TTLL4: variants seen among roughly 807,000 people sequenced by gnomAD.
The protein encoded by TTLL4 is tubulin monoglutamylase TTLL4.
Under a neutral mutation model 122.7 loss-of-function variants are expected in TTLL4, and 85 were observed. That is an observed-to-expected ratio of 0.69 (90% CI 0.58 to 0.83). The LOEUF is 0.83. Among genes scored for constraint, TTLL4 ranks in the 40% least tolerant of loss-of-function variants. The pLI is 0.00. For synonymous variants in TTLL4, 553 were observed against 563.0 expected (o/e 0.98, Z 0.25); for missense variants, 1,363 against 1,488.6 (o/e 0.92, Z 1.39).
At chr2:218,726,197 G>A (rs1942187931) in intron 1 of TTLL4, among the ~76,000 whole-genome samples, 1 of 152,124 alleles carries the variant, frequency 6.6e-6, no homozygotes, top group Non-Finnish European at 1.5e-5. Context: ...TTCTTGGAGG[G>A]TAGTTTTTTT....
At position 218,754,132 on chromosome 2, in the gene TTLL4, A is replaced by G. The variant is rs183338697; in HGVS notation, c.3345-2A>G. Reference sequence around the variant, plus strand: ...ATTTCTTTCACCACCTATTCCCTCCAGAAAACAAAGCTCCTGTGAGGTTAG... The same window carrying G: ...ATTTCTTTCACCACCTATTCCCTCCGGAAAACAAAGCTCCTGTGAGGTTAG... On this transcript the variant is annotated splice_acceptor_variant, in intron 19 of 19. Transcript: ENST00000392102. LOFTEE classifies it high-confidence loss of function. 2.8e-4 allele frequency: 448 copies of G among 1,614,118 alleles called. No homozygotes were observed. The highest frequency in any genetic ancestry group is 3.3e-4 in the Non-Finnish European group (395 of 1,180,006).
chr2:218,728,968 T>A (rs1942275999), intron 2 of TTLL4, among the ~76,000 whole-genome samples: 1 of 150,800 alleles, frequency 6.6e-6, no homozygotes. Context: ...GTTTTGTTCT[T>A]GTTGCCCAGG....
At chr2:218,746,542 T>A (rs564433625) in intron 8 of TTLL4, 1 of 436,032 alleles carries the variant, frequency 2.3e-6, no homozygotes, top group South Asian at 3.0e-5. Flanking sequence ...TCCAAGATGC[T>A]TTTTCCTCTA....
chr2:218,742,832 A>G (rs1375755770), intron 5 of TTLL4, among the ~76,000 whole-genome samples: 1 of 152,186 alleles, frequency 6.6e-6, no homozygotes, highest in African/African-American at 2.4e-5. Context: ...GTCAAGATAT[A>G]GAACATCTTG....
intron 1 of TTLL4, among the ~76,000 whole-genome samples, chr2:218,717,112 C>T (rs1435631890): frequency 6.6e-6 from 1 of 151,964 alleles, no homozygotes; most frequent in African/African-American, 2.4e-5. Flanking sequence ...CATGCACCAC[C>T]ACATCTAGCT....
At chr2:218,717,242 C>T (rs1449741001) in intron 1 of TTLL4, among the ~76,000 whole-genome samples, 1 of 152,032 alleles carries the variant, frequency 6.6e-6, no homozygotes. Context: ...GGATTATAGG[C>T]ACAAGTCACC....
At chr2:218,753,723 T>A (rs544173287) in intron 19 of TTLL4, 54 bp downstream of exon 19, 204 of 1,582,042 alleles carry the variant, frequency 1.3e-4, no homozygotes, top group Non-Finnish European at 1.6e-4. Flanking sequence ...TGTAGAGTTT[T>A]CTTCCTTCCC....
chr2:218,745,369 C>T, intron 6 of TTLL4, 136 bp downstream of exon 6: 1 of 1,205,094 alleles, frequency 8.3e-7, no homozygotes, highest in Admixed American at 2.2e-5. Context: ...GTGCTCAGTT[C>T]CCCATGTGGT....
intron 7 of TTLL4, 145 bp from the exon 8 acceptor site, chr2:218,746,010 G>A: frequency 1.0e-6 from 1 of 984,566 alleles, no homozygotes; most frequent in East Asian, 2.4e-5. Context: ...TCTGTCCCTG[G>A]CCCCAGGGCC....
chr2:218,755,675 T>C (rs1943138199), downstream of TTLL4, among the ~76,000 whole-genome samples: 1 of 152,216 alleles, frequency 6.6e-6, no homozygotes, highest in South Asian at 2.1e-4. Flanking sequence ...AAGAAGCCAA[T>C]TGGCCCCGTG....
chr2:218,749,300 C>T lies in TTLL4; in HGVS notation c.2648C>T (p.Pro883Leu). Residue 883 changes from proline to leucine, a missense_variant, in exon 14 of 20, where the codon CCC (proline) becomes CTC (leucine). Coordinates refer to ENST00000392102, the MANE Select transcript of TTLL4 (RefSeq NM_014640.5). ...TSLLKMYVRRPYSCHELFGFD... is the reference protein window; with the variant it reads ...TSLLKMYVRRLYSCHELFGFD... ...CTGCTCAAGATGTATGTGCGACGGC[C>T]CTATAGCTGCCATGAACTCTTTGGT... is the stretch of plus-strand genomic sequence containing the variant. The T allele has an allele frequency of 6.2e-7, 1 of 1,614,098 alleles. No homozygotes were observed. The highest frequency in any genetic ancestry group is 1.1e-5 in the South Asian group (1 of 91,078).
At position 218,747,546 on chromosome 2, in the gene TTLL4, A is replaced by G; in HGVS notation, c.2250-51A>G. On this transcript the variant is annotated intron_variant, in intron 10 of 19. Transcript: ENST00000392102. This position sits in a 1 kb window ranked among gnomAD's most constrained non-coding sequence, Gnocchi z 4.7. Reference sequence around the variant, plus strand: ...GGCTTTTCCTGTGGCTTGGTTACCCACTGAGCCCCATCATCTGGCTGTATG... The same window carrying G: ...GGCTTTTCCTGTGGCTTGGTTACCCGCTGAGCCCCATCATCTGGCTGTATG... 12 of 1,605,234 alleles carry G rather than the reference A, an allele frequency of 7.5e-6. No individual in the cohort carries two copies. Among genetic ancestry groups the G allele is most frequent in the Non-Finnish European group, 1.0e-5 (12 of 1,174,746 alleles).
rs745806033 is a variant in TTLL4 at position 218,738,442 on chromosome 2, G to C, written c.766G>C (p.Gly256Arg). The change falls in exon 3 of 20, where the codon GGG becomes CGG. Residue 256 changes from glycine (G) to arginine (R), a missense_variant. By Grantham distance (125) the Gly-to-Arg change is moderately radical. Transcript: ENST00000392102. ...KIQPVSWHHS[G>R]GTGDCAPQPV... ...CCAGCCTGTCTCCTGGCATCATTCA[G>C]GGGGTACTGGAGACTGTGCACCGCA... 6.2e-7 allele frequency: 1 copy of C among 1,614,184 alleles called. No homozygotes were observed. Among genetic ancestry groups the C allele is most frequent in the East Asian group, 2.2e-5 (1 of 44,880 alleles).
chr2:218,748,934 C>A lies in TTLL4; in HGVS notation c.2600C>A (p.Ser867Ter). 1 of 1,614,000 alleles carries A rather than the reference C, an allele frequency of 6.2e-7. No homozygotes were observed. The highest frequency in any genetic ancestry group is 8.5e-7 in the Non-Finnish European group (1 of 1,179,938). The change falls in exon 13 of 20, where the codon TCG becomes TAG. Residue 867 changes from serine to a stop codon, truncating the protein, a stop_gained and splice_region_variant. Transcript: ENST00000392102. LOFTEE classifies it high-confidence loss of function. ...GATGTTGTTGTCAAAACTATCATCT[C>A]GTGAGTCACATTGCCAACCTGGATG... ...IKDVVVKTII[S>*]SEPYVTSLLK...
chr2:218,722,396 A>G (rs1284200741), intron 1 of TTLL4, among the ~76,000 whole-genome samples: 2 of 151,236 alleles, frequency 1.3e-5, no homozygotes, highest in African/African-American at 4.9e-5. Flanking sequence ...ATATAAATAT[A>G]TAATAATTTT....
chr2:218,742,804 G>A (rs1559369717), intron 5 of TTLL4, among the ~76,000 whole-genome samples: 1 of 152,168 alleles, frequency 6.6e-6, no homozygotes, highest in Non-Finnish European at 1.5e-5. Flanking sequence ...CACTTGGGAT[G>A]TTGTTAACAT....
At position 218,737,673 on chromosome 2, in the gene TTLL4, C is replaced by T. The variant is rs1459638838; in HGVS notation, c.-4C>T. 6.3e-7 allele frequency: 1 copy of T among 1,577,708 alleles called. No homozygotes were observed. Among genetic ancestry groups the T allele is most frequent in the African/African-American group, 1.4e-5 (1 of 73,776 alleles). On this transcript the variant is annotated 5_prime_UTR_variant, in exon 3 of 20. Transcript: ENST00000392102. ...AGACCGTGTGGCCATGATGTGGGCC[C>T]CTCATGGCCTCAGCAGGAACACAGC...
chr2:218,713,568 C>T (rs1448222912), intron 1 of TTLL4, among the ~76,000 whole-genome samples: 3 of 152,222 alleles, frequency 2.0e-5, no homozygotes, highest in African/African-American at 7.2e-5. Flanking sequence ...GAGTGAACTA[C>T]TGTGTCTGGC....
chr2:218,747,971 T>G lies in TTLL4; in HGVS notation c.2379-134T>G. ...TTCAGAACTTTGCCAGTAGACACAC[T>G]TCTCAGGCTCTTGTGGCTATGAAAA... On this transcript the variant is annotated intron_variant, in intron 11 of 19. Coordinates refer to ENST00000392102, the MANE Select transcript of TTLL4 (RefSeq NM_014640.5). This position sits in a 1 kb window ranked among gnomAD's most constrained non-coding sequence, Gnocchi z 4.7. 7.7e-7 allele frequency: 1 copy of G among 1,305,350 alleles called. No individual in the cohort carries two copies. The highest frequency in any genetic ancestry group is 1.1e-6 in the Non-Finnish European group (1 of 935,664). 80.9% of individuals were successfully genotyped at this position (1,305,350 alleles called of 1,614,324 possible).
Sources: gnomAD v4.1 joint callset for allele counts (sites outside exome capture counted in the v4.1 genomes callset) on GRCh38, gnomAD v4.1.1 for gene constraint, Gnocchi (gnomAD v3.1) non-coding constraint, MANE v1.5 for transcripts, NCBI Gene and HGNC (gene_info 2026-07-23, HGNC 2026-07-21) for gene names.